TIMM8A: variants seen among roughly 807,000 people sequenced by gnomAD.
TIMM8A encodes translocase of inner mitochondrial membrane 8A, also known as mitochondrial import inner membrane translocase subunit Tim8 A.
Under a neutral mutation model 6.8 loss-of-function variants are expected in TIMM8A, and 2 were observed. That is an observed-to-expected ratio of 0.30 (90% CI 0.12 to 0.93). The LOEUF (loss-of-function observed/expected upper bound fraction) is 0.93, where lower values mean the gene tolerates loss of function less well. Ranked by LOEUF, TIMM8A falls within the 40% of genes least tolerant of loss-of-function variation. The pLI is 0.55. For missense variants in TIMM8A, 34 were observed against 75.2 expected, an observed-to-expected ratio of 0.45 and a Z score of 2.02; for synonymous variants, 26 against 28.5, an observed-to-expected ratio of 0.91 and a Z score of 0.28.
Position 101,345,894 on chromosome X carries a change from T to G in TIMM8A, c.*605A>C. On this transcript the variant is annotated 3_prime_UTR_variant, in exon 2 of 2. Coordinates refer to ENST00000372902, the MANE Select transcript of TIMM8A (RefSeq NM_004085.4). Reference sequence around the variant, plus strand: ...TAAGAATTATGTTCACTGGCTAGATTCCTTTATAACTAAAGGCCTCTAGAC... The same window carrying G: ...TAAGAATTATGTTCACTGGCTAGATGCCTTTATAACTAAAGGCCTCTAGAC... The G allele has an allele frequency of 1.3e-6, 1 of 753,283 alleles. No homozygotes were observed. The highest frequency in any genetic ancestry group is 1.5e-4 in the East Asian group (1 of 6,659). The allele number at this position is 753,283 out of a possible 1,213,427, so 62.1% of individuals were successfully genotyped here.
At chrX:101,348,319 T>C (rs1267308526) in intron 1 of TIMM8A, 17 of 1,165,148 alleles carry the variant, frequency 1.5e-5, no homozygotes, top group Admixed American at 2.6e-5. Flanking sequence ...CCCAGTCCTC[T>C]ACACCAACAA....
At chrX:101,346,815 G>C (rs1602995530) in intron 1 of TIMM8A, 155 bp from the exon 2 acceptor site, 2 of 489,478 alleles carry the variant, frequency 4.1e-6, no homozygotes, top group African/African-American at 2.4e-5. Context: ...AGCTGACCAA[G>C]TATATAGCAA....
chrX:101,348,237 C>A, intron 1 of TIMM8A: 2 of 1,133,683 alleles, frequency 1.8e-6, no homozygotes, highest in Non-Finnish European at 2.3e-6. Flanking sequence ...GTCTTGGTGA[C>A]CAGCACTAGG....
chrX:101,348,330 A>G, intron 1 of TIMM8A: 1 of 1,167,472 alleles, frequency 8.6e-7, no homozygotes, highest in South Asian at 1.9e-5. Context: ...ACACCAACAA[A>G]GCCGAGGTCC....
chrX:101,348,033 GTA>G, intron 1 of TIMM8A: 2 of 886,131 alleles, frequency 2.3e-6, no homozygotes, highest in Non-Finnish European at 2.8e-6. Flanking sequence ...AAGCAAATAA[GTA>G]TGTACGTTGG....
At chrX:101,348,425 C>CTGGGGGGGGGG in intron 1 of TIMM8A, 108 bp downstream of exon 1, 2 of 1,176,898 alleles carry the variant, frequency 1.7e-6, no homozygotes, top group Non-Finnish European at 2.3e-6. Context: ...GGGTTGCTGC[C>CTGGGGGGGGGG]AGGTGCCCGC....
In TIMM8A at chrX:101,348,711, C is replaced by T; in HGVS notation, c.-47G>A. The T allele has an allele frequency of 8.3e-7, 1 of 1,206,560 alleles. No individual in the cohort carries two copies. The highest frequency in any genetic ancestry group is 1.1e-6 in the Non-Finnish European group (1 of 893,292). On this transcript the variant is annotated 5_prime_UTR_variant, in exon 1 of 2. It adds an upstream start codon to the 5' untranslated region. Transcript: ENST00000372902. The stretch of plus-strand genomic sequence containing the variant: ...GAGACGAACTCCGCACCGACCTTCA[C>T]GTGTCTCCGCGACGGAACCGGAACC...
chrX:101,348,454 G>A (rs1252068742), intron 1 of TIMM8A, 79 bp downstream of exon 1: 1 of 1,178,217 alleles, frequency 8.5e-7, no homozygotes, highest in Non-Finnish European at 1.1e-6. Flanking sequence ...CCGAATCCCC[G>A]ACGTTGTCGC....
intron 1 of TIMM8A, chrX:101,346,875 A>G (rs1366103460): frequency 5.4e-6 from 2 of 372,782 alleles, no homozygotes; most frequent in African/African-American, 5.1e-5. Flanking sequence ...TGGAATAGAT[A>G]CTATTATAAA....
intron 1 of TIMM8A, chrX:101,347,948 C>T (rs1926117895): frequency 2.8e-6 from 2 of 709,580 alleles, no homozygotes; most frequent in Non-Finnish European, 3.4e-6. Context: ...TTGCCAAAGT[C>T]CCCTCACAGG....
chrX:101,347,869 A>T, intron 1 of TIMM8A: 1 of 179,216 alleles, frequency 5.6e-6, no homozygotes, highest in Non-Finnish European at 9.0e-6. Context: ...TGAATTGTGT[A>T]CATTAAGGGA....
Position 101,346,576 on chromosome X carries a change from T to C in TIMM8A, c.217A>G (p.Thr73Ala). Reference protein sequence around the residue: ...FVNCVERFIDTSQFILNRLEQ... With the variant: ...FVNCVERFIDASQFILNRLEQ... The stretch of plus-strand genomic sequence containing the variant: ...AGTCGATTCAAGATGAACTGGCTTG[T>C]ATCAATGAAGCGCTCAACGCAGTTC... Residue 73 changes from threonine (T) to alanine (A), a missense_variant, in exon 2 of 2, where the codon ACA (threonine) becomes GCA (alanine). Transcript: ENST00000372902. The C allele has an allele frequency of 8.3e-7, 1 of 1,211,955 alleles. No individual in the cohort carries two copies. The highest frequency in any genetic ancestry group is 1.1e-6 in the Non-Finnish European group (1 of 895,585).
rs782427451 is a variant in TIMM8A, at chrX:101,348,262, G to C, written c.132+271C>G. On this transcript the variant is annotated intron_variant, in intron 1 of 1. Coordinates refer to ENST00000372902, the MANE Select transcript of TIMM8A (RefSeq NM_004085.4). Reference sequence around the variant, plus strand: ...CCAGCACTAGGCAGCTTCAACCTCGGGTGCCTGAAAGTGCTGGGTGTCCAG... The same window carrying C: ...CCAGCACTAGGCAGCTTCAACCTCGCGTGCCTGAAAGTGCTGGGTGTCCAG... The C allele has an allele frequency of 5.3e-5, 61 of 1,151,570 alleles. No individual in the cohort carries two copies. In the South Asian group the frequency reaches 8.9e-4, roughly 17 times the overall value. 94.9% of individuals were successfully genotyped at this position (1,151,570 alleles called of 1,213,427 possible).
At chrX:101,346,898 A>C in intron 1 of TIMM8A, 1 of 342,001 alleles carries the variant, frequency 2.9e-6, no homozygotes, top group Non-Finnish European at 5.0e-6. Flanking sequence ...CTCATTTTAC[A>C]AAGAGGAAAA....
At chrX:101,346,737 T>C in intron 1 of TIMM8A, 77 bp from the exon 2 acceptor site, 1 of 1,065,227 alleles carries the variant, frequency 9.4e-7, no homozygotes, top group Non-Finnish European at 1.3e-6. Flanking sequence ...TCCCTTTTTG[T>C]TGCTTAGAGA....
At chrX:101,348,316 C>T in intron 1 of TIMM8A, 1 of 1,167,172 alleles carries the variant, frequency 8.6e-7, no homozygotes. Flanking sequence ...ATACCCAGTC[C>T]TCTACACCAA....
At position 101,348,686 on chromosome X, in the gene TIMM8A, G is replaced by A. The variant is rs782713252; in HGVS notation, c.-22C>T. The A allele has an allele frequency of 9.1e-6, 11 of 1,208,460 alleles. No individual in the cohort carries two copies. The highest frequency in any genetic ancestry group is 5.9e-5 in the East Asian group (2 of 33,686). On this transcript the variant is annotated 5_prime_UTR_variant, in exon 1 of 2. Transcript: ENST00000372902. ...CCATCCCAGGGCGACCAAGCTTGCA[G>A]AGACGAACTCCGCACCGACCTTCAC...
rs11550891 is a variant in TIMM8A, at chrX:101,348,659, A to G, written c.6T>C (p.Asp2=). 1 of 1,206,819 alleles carries G rather than the reference A, an allele frequency of 8.3e-7. No homozygotes were observed. The highest frequency in any genetic ancestry group is 3.0e-5 in the East Asian group (1 of 33,470). The change falls in exon 1 of 2, where the codon GAT becomes GAC. Residue 2 remains aspartate (D), a synonymous_variant. Transcript: ENST00000372902. ...CCGCCGCGGAGGAAGAGGAGGAGGA[A>G]TCCATCCCAGGGCGACCAAGCTTGC... is the stretch of plus-strand genomic sequence containing the variant. M[D]SSSSSSAAGL...
chrX:101,345,807 C>T lies in TIMM8A; in HGVS notation c.*692G>A. 1 of 748,786 alleles carries T rather than the reference C, an allele frequency of 1.3e-6. No homozygotes were observed. Among genetic ancestry groups the T allele is most frequent in the South Asian group, 6.8e-5 (1 of 14,784 alleles). The allele number at this position is 748,786 out of a possible 1,213,427, so 61.7% of individuals were successfully genotyped here. A position where few individuals can be genotyped will look rare whatever the true frequency, so the allele number is the denominator to read the frequency against. On this transcript the variant is annotated 3_prime_UTR_variant, in exon 2 of 2. Transcript: ENST00000372902. ...CTTTATAACTTATTTAGGCACATCACTGAATTTTTTGTACCCTGATATACA... is the reference window on the plus strand; with the variant it reads ...CTTTATAACTTATTTAGGCACATCATTGAATTTTTTGTACCCTGATATACA...
Sources: gnomAD v4.1 joint callset for allele counts on GRCh38, gnomAD v4.1.1 for gene constraint, MANE v1.5 for transcripts, NCBI Gene and HGNC (gene_info 2026-07-23, HGNC 2026-07-21) for gene names.